Variants in DPF3 observed in about 807,000 individuals in gnomAD.
DPF3 encodes double PHD fingers 3.
A neutral mutation model predicts 56.8 loss-of-function variants in DPF3; 18 were observed. That is an observed-to-expected ratio of 0.32 (90% confidence interval 0.22 to 0.47). DPF3 has a LOEUF of 0.47. Among genes scored for constraint, DPF3 ranks in the 20% least tolerant of loss-of-function variants. DPF3 has a pLI of 1.00. For missense variants in DPF3, 403 were observed against 488.8 expected, an observed-to-expected ratio of 0.82 and a Z score of 1.65; for synonymous variants, 188 against 180.2, an observed-to-expected ratio of 1.04 and a Z score of -0.35.
chr14:72,887,700 T>C (rs1886601778), intron 1 of DPF3, among the ~76,000 whole-genome samples: 2 of 147,818 alleles, frequency 1.4e-5, no homozygotes, highest in East Asian at 2.0e-4. Context: ...CAAAGTTCTG[T>C]GTCCCAGATC....
chr14:72,723,583 C>A (rs1367080782), intron 5 of DPF3, 50 bp downstream of exon 5: 4 of 1,467,000 alleles, frequency 2.7e-6, no homozygotes, highest in East Asian at 2.4e-5. Context: ...GTTGGCCGGG[C>A]ACCCCAGCCT....
chr14:72,744,468 C>T (rs1890248817), intron 3 of DPF3, among the ~76,000 whole-genome samples: 1 of 151,744 alleles, frequency 6.6e-6, no homozygotes, highest in Admixed American at 6.6e-5. Flanking sequence ...GAGACAGGTT[C>T]TTGCCATGTC....
At chr14:72,818,064 G>T (rs775784229) in intron 1 of DPF3, among the ~76,000 whole-genome samples, 2 of 151,886 alleles carry the variant, frequency 1.3e-5, no homozygotes, top group Admixed American at 1.3e-4. Flanking sequence ...TGGCCAACAT[G>T]GTGAAACCCC....
chr14:72,723,379 C>T (rs1481412475), intron 5 of DPF3, among the ~76,000 whole-genome samples: 1 of 152,144 alleles, frequency 6.6e-6, no homozygotes, highest in Non-Finnish European at 1.5e-5. Context: ...TCACCCTGAT[C>T]CCACCCTTCA....
chr14:72,747,452 GC>G (rs1487900373), intron 3 of DPF3, among the ~76,000 whole-genome samples: 7 of 152,056 alleles, frequency 4.6e-5, no homozygotes, highest in African/African-American at 1.4e-4. Flanking sequence ...GCTGCTGGCA[GC>G]CCCCTCACTT....
intron 6 of DPF3, among the ~76,000 whole-genome samples, chr14:72,695,515 A>C (rs1347935572): frequency 6.6e-6 from 1 of 152,228 alleles, no homozygotes; most frequent in African/African-American, 2.4e-5. Flanking sequence ...TAAGTAGAAC[A>C]TATGGTATTT....
chr14:72,860,697 C>T lies in DPF3; in HGVS notation c.32+33360G>A, dbSNP rs539461734. The stretch of plus-strand genomic sequence containing the variant: ...TCTCCTGCCTCAGCCTCCCGAGTAG[C>T]TGAGATTACAGGCGTGCACCACCAT... On this transcript the variant is annotated intron_variant, in intron 1 of 10. Coordinates refer to ENST00000556509, the MANE Select transcript of DPF3 (RefSeq NM_001280542.3). Among the ~76,000 whole-genome samples the T allele has an allele frequency of 1.2e-4, 18 of 152,222 alleles. No individual in the cohort carries two copies. The South Asian group carries it at 1.7e-3, about 14-fold the overall frequency.
intron 8 of DPF3, among the ~76,000 whole-genome samples, chr14:72,634,699 T>A (rs988005247): frequency 5.3e-5 from 8 of 151,640 alleles, no homozygotes; most frequent in Admixed American, 2.0e-4. Flanking sequence ...TAATGGCAAG[T>A]ACTGCAATTA....
chr14:72,667,331 A>G (rs1567194264), intron 8 of DPF3, among the ~76,000 whole-genome samples: 1 of 152,160 alleles, frequency 6.6e-6, no homozygotes, highest in African/African-American at 2.4e-5. Flanking sequence ...CTAGACCATA[A>G]CAATTGTCAC....
At chr14:72,686,222 T>G (rs549169305) in intron 7 of DPF3, among the ~76,000 whole-genome samples, 1 of 152,330 alleles carries the variant, frequency 6.6e-6, no homozygotes, top group Admixed American at 6.5e-5. Context: ...AGCTTCACAG[T>G]GGTGGCAAAG....
intron 7 of DPF3, among the ~76,000 whole-genome samples, chr14:72,683,572 G>A (rs1887263131): frequency 6.6e-6 from 1 of 152,108 alleles, no homozygotes; most frequent in Admixed American, 6.5e-5. Context: ...AGTGATCCAT[G>A]AGGCATATGG....
chr14:72,612,993 C>CGTGTGTGTGTGTGTGTGTGTGT lies in DPF3; in HGVS notation c.*6282_*6303dup. Among the ~76,000 whole-genome samples the CGTGTGTGTGTGTGTGTGTGTGT allele has an allele frequency of 6.7e-6, 1 of 148,954 alleles. No homozygotes were observed. The highest frequency in any genetic ancestry group is 2.0e-4 in the East Asian group (1 of 4,938). Reference sequence around the variant, plus strand: ...TTTCCCTTTGGTTCATTAAGTAGGGCGTGTGTGTGTGTGTGTGTGTGTGTG... The same window carrying CGTGTGTGTGTGTGTGTGTGTGT: ...TTTCCCTTTGGTTCATTAAGTAGGGCGTGTGTGTGTGTGTGTGTGTGTGTGTGTGTGTGTGTGTGTGTGTGTG... On this transcript the variant is annotated 3_prime_UTR_variant, in exon 11 of 11. Transcript: ENST00000556509.
intron 8 of DPF3, among the ~76,000 whole-genome samples, chr14:72,667,816 G>T (rs1477385536): frequency 6.6e-6 from 1 of 152,090 alleles, no homozygotes; most frequent in East Asian, 1.9e-4. Context: ...TCTTCAGTTG[G>T]AATTGAGAAA....
intron 1 of DPF3, chr14:72,892,267 A>G (rs1233634383): frequency 2.0e-6 from 3 of 1,535,422 alleles, no homozygotes; most frequent in East Asian, 2.4e-5. Flanking sequence ...TAGAAACAGC[A>G]TCAGCGGTGT....
intron 1 of DPF3, among the ~76,000 whole-genome samples, chr14:72,827,117 A>G (rs1174343630): frequency 7.9e-5 from 1 of 12,624 alleles, no homozygotes; most frequent in Non-Finnish European, 2.0e-4. Flanking sequence ...AAACCACTGT[A>G]TAAGTCCAGC....
chr14:72,641,069 G>A (rs931450428), intron 8 of DPF3, among the ~76,000 whole-genome samples: 7 of 152,186 alleles, frequency 4.6e-5, no homozygotes, highest in African/African-American at 1.7e-4. Flanking sequence ...ATCCAAGGAA[G>A]AGGAAGGGTG....
At chr14:72,877,556 A>G (rs1886162307) in intron 1 of DPF3, among the ~76,000 whole-genome samples, 2 of 152,188 alleles carry the variant, frequency 1.3e-5, no homozygotes, top group African/African-American at 4.8e-5. Flanking sequence ...TAAAATAATA[A>G]AACAAGCATC....
chr14:72,795,319 A>T (rs1032035420), intron 1 of DPF3, among the ~76,000 whole-genome samples: 2 of 133,932 alleles, frequency 1.5e-5, no homozygotes, highest in African/African-American at 5.3e-5. Flanking sequence ...TATATATATA[A>T]GGCAGATGGT....
intron 8 of DPF3, among the ~76,000 whole-genome samples, chr14:72,658,699 C>T (rs1886123240): frequency 6.6e-6 from 1 of 152,144 alleles, no homozygotes; most frequent in Non-Finnish European, 1.5e-5. Flanking sequence ...CAGAGACCAA[C>T]CCAGGGACCC....
Sources: allele counts gnomAD v4.1 joint callset (sites outside exome capture counted in the v4.1 genomes callset), GRCh38; gene constraint gnomAD v4.1.1; transcripts MANE v1.5; gene names NCBI Gene and HGNC (gene_info 2026-07-23, HGNC 2026-07-21).